Variants in SYNE2 observed in about 807,000 individuals in gnomAD.
SYNE2 encodes spectrin repeat containing nuclear envelope protein 2, also known as nesprin-2.
Under a neutral mutation model 856.3 loss-of-function variants are expected in SYNE2, and 431 were observed. The ratio of observed to expected loss-of-function variants is 0.50; its 90% CI spans 0.47 to 0.55. SYNE2 has a LOEUF of 0.55. SYNE2 is among the 20% of genes least tolerant of loss of function. SYNE2 has a pLI of 0.00. For synonymous variants in SYNE2, 2,923 were observed against 2,872.3 expected, an observed-to-expected ratio of 1.02 and a Z score of -0.56; for missense variants, 8,129 against 8,023.2, an observed-to-expected ratio of 1.01 and a Z score of -0.50.
intron 85 of SYNE2, among the ~76,000 whole-genome samples, chr14:64,154,168 TAA>T (rs5809216): frequency 2.4e-3 from 336 of 137,956 alleles, no homozygotes; most frequent in African/African-American, 5.8e-3. Context: ...CCATTTGTAT[TAA>T]AAAAAAAAAA....
intron 1 of SYNE2, among the ~76,000 whole-genome samples, chr14:63,841,002 A>G (rs1890049246): frequency 6.6e-6 from 1 of 152,104 alleles, no homozygotes; most frequent in South Asian, 2.1e-4. Context: ...CAACAGGAGC[A>G]AAACTCTGTC....
chr14:63,963,089 G>A (rs1045218894), intron 9 of SYNE2, among the ~76,000 whole-genome samples: 2 of 152,160 alleles, frequency 1.3e-5, no homozygotes, highest in African/African-American at 2.4e-5. Context: ...TTGACAAATT[G>A]GGCCTGTGTT....
chr14:63,763,290 TA>T (rs1886557705), intron 1 of SYNE2, among the ~76,000 whole-genome samples: 1 of 152,212 alleles, frequency 6.6e-6, no homozygotes, highest in African/African-American at 2.4e-5. Context: ...TTTAAAGCCT[TA>T]AAAGAGTTTT....
At chr14:63,826,310 C>A (rs1381458330) in intron 1 of SYNE2, among the ~76,000 whole-genome samples, 3 of 151,752 alleles carry the variant, frequency 2.0e-5, no homozygotes, top group African/African-American at 7.3e-5. Flanking sequence ...ATAGTCTTTT[C>A]TTTTTTTTGA....
intron 98 of SYNE2, among the ~76,000 whole-genome samples, chr14:64,189,366 G>C (rs1221929381): frequency 1.3e-5 from 2 of 152,070 alleles, no homozygotes; most frequent in African/African-American, 2.4e-5. Context: ...CTTGTTAAAG[G>C]GGAGAGGCCA....
chr14:63,762,021 A>C, intron 1 of SYNE2: 1 of 482,394 alleles, frequency 2.1e-6, no homozygotes. Flanking sequence ...TCATGTGTGA[A>C]TATAAGCTAG....
At position 64,021,397 on chromosome 14, in the gene SYNE2, G is replaced by A. The variant is rs1313384248; in HGVS notation, c.5234G>A (p.Gly1745Asp). 5 of 1,614,000 alleles carry A rather than the reference G, an allele frequency of 3.1e-6. No individual in the cohort carries two copies. Among genetic ancestry groups the A allele is most frequent in the East Asian group, 2.2e-5 (1 of 44,896 alleles). The change falls in exon 36 of 116, where the codon GGC (glycine) becomes GAC (aspartate). Residue 1745 changes from glycine to aspartate, a missense_variant. By Grantham distance (94) the Gly-to-Asp change is moderately conservative (BLOSUM62 -1). Coordinates refer to ENST00000555002, the MANE Select transcript of SYNE2 (RefSeq NM_182914.3). ...GAATCCAACTGCCATGCACTCAGTG[G>A]CAGCACTGCTGAGCTAAGGGAGGAT... Reference protein sequence around the residue: ...TGESNCHALSGSTAELREDLD... With the variant: ...TGESNCHALSDSTAELREDLD...
Position 64,052,151 on chromosome 14 carries a change from G to T in SYNE2, c.8238G>T (p.Leu2746Phe). 1 of 1,614,142 alleles carries T rather than the reference G, an allele frequency of 6.2e-7. No individual in the cohort carries two copies. The highest frequency in any genetic ancestry group is 8.5e-7 in the Non-Finnish European group (1 of 1,180,034). The change falls in exon 48 of 116, where the codon TTG becomes TTT. Residue 2746 changes from leucine (L) to phenylalanine (F), a missense_variant. Leu to Phe is a conservative substitution (Grantham distance 22). Around this residue, in one of 3 missense-constraint regions of SYNE2, gnomAD observed 5,410 missense variants for 5,284.8 expected, o/e 1.02. Transcript: ENST00000555002. ...MKETILWAKNLLGELNPSIPL... is the reference protein window; with the variant it reads ...MKETILWAKNFLGELNPSIPL... The stretch of plus-strand genomic sequence containing the variant: ...AGACTATCTTATGGGCCAAGAATTT[G>T]TTGGGTGAACTTAATCCCTCCATTC...
At position 64,119,447 on chromosome 14, in the gene SYNE2, G is replaced by A. The variant is rs766302409; in HGVS notation, c.12861G>A (p.Glu4287=). ...VGCQAMLTEI[E]HKVAFLLETC... is the part of the protein sequence containing the mutation. Reference sequence around the variant, plus strand: ...CCTAGGCTATGCTAACAGAGATTGAGCACAAGGTTGCCTTTCTGTTAGAGA... The same window carrying A: ...CCTAGGCTATGCTAACAGAGATTGAACACAAGGTTGCCTTTCTGTTAGAGA... Residue 4287 remains glutamate, a synonymous_variant, in exon 67 of 116, where the codon GAG becomes GAA. Transcript: ENST00000555002. 2 of 1,614,162 alleles carry A rather than the reference G, an allele frequency of 1.2e-6. No homozygotes were observed. Among genetic ancestry groups the A allele is most frequent in the Non-Finnish European group, 1.7e-6 (2 of 1,180,012 alleles).
At chr14:64,165,102 G>A (rs772804122) in intron 89 of SYNE2, among the ~76,000 whole-genome samples, 183 bp from the exon 90 acceptor site, 103 of 151,952 alleles carry the variant, frequency 6.8e-4, no homozygotes, top group Non-Finnish European at 1.3e-3. Context: ...GCTCAGGCTG[G>A]TCTTGAACTC....
At position 63,824,827 on chromosome 14, in the gene SYNE2, A is replaced by AT. The variant is rs890516563; in HGVS notation, c.-304-27665dup. 3.3e-5 allele frequency among the ~76,000 whole-genome samples: 5 copies of AT among 151,526 alleles called. No individual in the cohort carries two copies. The East Asian group carries it at 7.7e-4, about 23-fold the overall frequency. Reference sequence around the variant, plus strand: ...ATGCACCCACAAAAATTAAAAATTAATTTTTTTTTAAGAGTTAGGGACAGA... The same window carrying AT: ...ATGCACCCACAAAAATTAAAAATTAATTTTTTTTTTAAGAGTTAGGGACAGA... On this transcript the variant is annotated intron_variant, in intron 1 of 23. Coordinates refer to the SYNE2 transcript ENST00000674003.
intron 23 of SYNE2, among the ~76,000 whole-genome samples, chr14:63,996,649 G>A (rs2096716104): frequency 6.6e-6 from 1 of 151,908 alleles, no homozygotes; most frequent in Admixed American, 6.6e-5. Flanking sequence ...TCCACATATA[G>A]CTCAGATGCT....
chr14:63,778,774 C>T (rs962267623), intron 1 of SYNE2, among the ~76,000 whole-genome samples: 17 of 152,132 alleles, frequency 1.1e-4, no homozygotes, highest in African/African-American at 3.6e-4. Context: ...ACTGGCCTCC[C>T]AAAGTGCCAA....
intron 46 of SYNE2, chr14:64,049,066 A>G (rs1010744071): frequency 1.3e-5 from 2 of 152,262 alleles, no homozygotes; most frequent in African/African-American, 2.4e-5. Flanking sequence ...ACTCTTTAAG[A>G]TAATAGAGTG....
chr14:64,142,179 ATTTC>A, intron 82 of SYNE2, 91 bp downstream of exon 82: 1 of 1,488,488 alleles, frequency 6.7e-7, no homozygotes, highest in African/African-American at 1.4e-5. Flanking sequence ...ATAGGATATA[ATTTC>A]AAAAAACTAA....
At chr14:64,137,701 A>C (rs1595770959) in intron 78 of SYNE2, 86 bp from the exon 79 acceptor site, 9 of 1,381,862 alleles carry the variant, frequency 6.5e-6, no homozygotes, top group Middle Eastern at 1.9e-4. Context: ...GTGGACACAA[A>C]TGTCAGTTTT....
intron 50 of SYNE2, among the ~76,000 whole-genome samples, chr14:64,063,926 C>G (rs760741195): frequency 6.6e-6 from 1 of 152,044 alleles, no homozygotes; most frequent in Non-Finnish European, 1.5e-5. Context: ...TTCCTGTACA[C>G]GCCTATGATA....
At chr14:63,909,301 C>G (rs764674212) in intron 2 of SYNE2, 74 bp downstream of exon 2, 1 of 988,980 alleles carries the variant, frequency 1.0e-6, no homozygotes, top group East Asian at 2.4e-5. Context: ...GCAAGTCACA[C>G]TGATTTTCGT....
intron 30 of SYNE2, among the ~76,000 whole-genome samples, chr14:64,006,263 TAC>T (rs1305619901): frequency 6.6e-6 from 1 of 152,224 alleles, no homozygotes; most frequent in East Asian, 1.9e-4. Flanking sequence ...GAGCTTTTTG[TAC>T]ATAACGGAGA....
Sources: gnomAD v4.1 joint callset for allele counts (sites outside exome capture counted in the v4.1 genomes callset) on GRCh38, gnomAD v4.1.1 for gene constraint, gnomAD v4.1.1 regional missense constraint, MANE v1.5 for transcripts, NCBI Gene and HGNC (gene_info 2026-07-23, HGNC 2026-07-21) for gene names.